The following MTMR10 variants were observed in gnomAD, a reference collection of about 807,000 sequenced individuals.
MTMR10 encodes myotubularin-related protein 10.
MTMR10 carries 56 observed loss-of-function variants against 88.1 expected under a neutral mutation model. That is an observed-to-expected ratio of 0.64 (90% confidence interval 0.51 to 0.79). The LOEUF (loss-of-function observed/expected upper bound fraction) is 0.79. MTMR10 is among the 30% of genes least tolerant of loss of function. The pLI is 0.00. For missense variants in MTMR10, 883 were observed against 924.7 expected, an observed-to-expected ratio of 0.95 and a Z score of 0.58; for synonymous variants, 380 against 340.9, an observed-to-expected ratio of 1.11 and a Z score of -1.26.
the MTMR10 span, chr15:30,925,416 G>A: frequency 8.5e-6 from 8 of 938,988 alleles, no homozygotes; most frequent in South Asian, 3.4e-5. Context: ...TCTAAAACTC[G>A]TTTTGGACGG....
the MTMR10 span, chr15:30,920,769 T>C: frequency 6.5e-6 from 4 of 611,612 alleles, no homozygotes; most frequent in Non-Finnish European, 8.5e-6. Flanking sequence ...CACAGTAATA[T>C]AATGGAGGCA....
the MTMR10 span, among the ~76,000 whole-genome samples, chr15:30,932,273 GA>G: frequency 6.8e-6 from 1 of 147,986 alleles, no homozygotes; most frequent in Admixed American, 6.8e-5. Context: ...GAATTCCTTT[GA>G]ATCTGTAGAC....
intron 2 of MTMR10, among the ~76,000 whole-genome samples, chr15:30,984,998 C>A (rs2030850599): frequency 6.6e-6 from 1 of 152,212 alleles, no homozygotes; most frequent in South Asian, 2.1e-4. Flanking sequence ...AGGATCCCAT[C>A]TCCTCAGCAT....
At chr15:30,925,700 G>A in the MTMR10 span, 1 of 1,420,210 alleles carries the variant, frequency 7.0e-7, no homozygotes, top group South Asian at 1.3e-5. Flanking sequence ...TTTGTGGTAA[G>A]GGAGGTCAAT....
At position 30,991,565 on chromosome 15, in the gene MTMR10, C is replaced by A; in HGVS notation, c.-59G>T. On this transcript the variant is annotated 5_prime_UTR_variant, in exon 1 of 16. Coordinates refer to ENST00000435680, the MANE Select transcript of MTMR10 (RefSeq NM_017762.3). ...GGGCCAGTGGCAGCGCCGACGCCTC[C>A]GGGCGTAAAGCTCTCAGTGCGGCCG... 1 of 1,519,882 alleles carries A rather than the reference C, an allele frequency of 6.6e-7. No individual in the cohort carries two copies. The highest frequency in any genetic ancestry group is 8.8e-7 in the Non-Finnish European group (1 of 1,142,280). 94.1% of individuals were successfully genotyped at this position (1,519,882 alleles called of 1,614,324 possible). A position where few individuals can be genotyped will look rare whatever the true frequency, so the allele number is the denominator to read the frequency against.
chr15:30,929,244 C>G, the MTMR10 span: 1 of 1,613,452 alleles, frequency 6.2e-7, no homozygotes, highest in African/African-American at 1.3e-5. Context: ...TCTTCACAAG[C>G]AGACGCCCAG....
At chr15:30,928,568 G>A in the MTMR10 span, 2 of 1,609,080 alleles carry the variant, frequency 1.2e-6, no homozygotes, top group African/African-American at 1.4e-5. Flanking sequence ...CATGGCGAAG[G>A]GTCCACCTTC....
chr15:30,982,087 GA>G (rs1388294762), intron 2 of MTMR10, among the ~76,000 whole-genome samples: 3 of 141,874 alleles, frequency 2.1e-5, no homozygotes, highest in African/African-American at 8.1e-5. Context: ...AAAAAGAAAA[GA>G]AAAAGAAAAA....
Position 30,948,284 on chromosome 15 carries a change from G to T in MTMR10, c.1377+18C>A. ...TGTATCCTTAAAGACTGATAAAAAG[G>T]CATCAAGATTTTGTTACCTCTTTCT... On this transcript the variant is annotated intron_variant, in intron 13 of 15. Transcript: ENST00000435680. The T allele has an allele frequency of 6.3e-7, 1 of 1,599,134 alleles. No individual in the cohort carries two copies. Among genetic ancestry groups the T allele is most frequent in the Non-Finnish European group, 8.5e-7 (1 of 1,173,480 alleles).
At chr15:30,943,394 A>C in intron 14 of MTMR10, 1 of 984,718 alleles carries the variant, frequency 1.0e-6, no homozygotes, top group Non-Finnish European at 1.2e-6. Context: ...AACATGTTGA[A>C]TTTATTTCTA....
chr15:30,930,530 G>A, the MTMR10 span: 17 of 1,585,446 alleles, frequency 1.1e-5, no homozygotes, highest in South Asian at 2.0e-4. Context: ...ACTGTCCTGT[G>A]TTTTGTGTTC....
the MTMR10 span, among the ~76,000 whole-genome samples, chr15:30,924,760 A>T: frequency 7.0e-6 from 1 of 142,966 alleles, no homozygotes; most frequent in East Asian, 2.1e-4. Flanking sequence ...CCGGGGTGGG[A>T]CACATGTTTT....
intron 5 of MTMR10, among the ~76,000 whole-genome samples, 153 bp downstream of exon 5, chr15:30,974,158 CTAT>C (rs2029926812): frequency 6.6e-6 from 1 of 151,938 alleles, no homozygotes; most frequent in Non-Finnish European, 1.5e-5. Context: ...GAAAATAGTT[CTAT>C]TAATATTCTT....
At chr15:30,989,598 T>TC (rs2031171987) in intron 2 of MTMR10, among the ~76,000 whole-genome samples, 1 of 151,872 alleles carries the variant, frequency 6.6e-6, no homozygotes, top group Admixed American at 6.6e-5. Flanking sequence ...TTTTTTTTTT[T>TC]TTGAGACGGT....
chr15:30,982,692 A>T (rs904368840), intron 2 of MTMR10, among the ~76,000 whole-genome samples: 7 of 152,212 alleles, frequency 4.6e-5, no homozygotes, highest in African/African-American at 1.7e-4. Context: ...TATTACAATA[A>T]TTAAGTGTCG....
intron 15 of MTMR10, 126 bp downstream of exon 15, chr15:30,942,764 C>T: frequency 1.0e-6 from 1 of 962,480 alleles, no homozygotes; most frequent in Admixed American, 3.2e-5. Flanking sequence ...AAGGGAATGA[C>T]CCCTCAGAAA....
intron 13 of MTMR10, among the ~76,000 whole-genome samples, chr15:30,947,996 A>C (rs1036583500): frequency 3.3e-5 from 5 of 152,162 alleles, no homozygotes; most frequent in African/African-American, 1.2e-4. Context: ...GATATTCCAA[A>C]AGTGATTTTT....
chr15:30,928,880 A>C, the MTMR10 span: 1 of 761,854 alleles, frequency 1.3e-6, no homozygotes, highest in Non-Finnish European at 1.6e-6. Flanking sequence ...CCTTACATTT[A>C]GACCTTTCGT....
At chr15:30,954,064 G>A (rs892492477) in intron 10 of MTMR10, among the ~76,000 whole-genome samples, 5 of 152,106 alleles carry the variant, frequency 3.3e-5, no homozygotes, top group Non-Finnish European at 7.4e-5. Context: ...CATGGCTCAC[G>A]TGGCCGAGGG....
Sources: allele counts gnomAD v4.1 joint callset (sites outside exome capture counted in the v4.1 genomes callset), GRCh38; gene constraint gnomAD v4.1.1; transcripts MANE v1.5; gene names NCBI Gene and HGNC (gene_info 2026-07-23, HGNC 2026-07-21).